Variants in EVI5 observed in about 807,000 individuals in gnomAD.
EVI5 encodes the protein ecotropic viral integration site 5 protein homolog.
In EVI5, 73 loss-of-function variants were observed where a neutral mutation model predicts 112.0. The observed-to-expected ratio is 0.65, with a 90% CI of 0.54 to 0.79. EVI5 has a LOEUF of 0.79. Among genes scored for constraint, EVI5 ranks in the 30% least tolerant of loss-of-function variants. The pLI is 0.00. For missense variants in EVI5, 900 were observed against 968.8 expected (o/e 0.93, Z 0.94); for synonymous variants, 305 against 319.9 (o/e 0.95, Z 0.50).
chr1:92,738,849 C>T (rs1477209283), intron 1 of EVI5, among the ~76,000 whole-genome samples: 1 of 152,122 alleles, frequency 6.6e-6, no homozygotes, highest in Non-Finnish European at 1.5e-5. Flanking sequence ...ACCCTGCCAC[C>T]TCTGAATCTC....
chr1:92,555,195 T>C lies in EVI5; in HGVS notation c.2166+8447A>G, dbSNP rs1667495017. ...ATCCTGAAACTTCTGCATGGTACTT[T>C]ACACTGCTCTAATTAGAGAAAGAAC... On this transcript the variant is annotated intron_variant, in intron 19 of 19. Transcript: ENST00000684568. 3.9e-5 allele frequency among the ~76,000 whole-genome samples: 6 copies of C among 152,318 alleles called. No homozygotes were observed. In the South Asian group the frequency reaches 1.0e-3, roughly 26 times the overall value.
chr1:92,744,412 T>C (rs1052071922), intron 1 of EVI5, among the ~76,000 whole-genome samples: 1 of 152,310 alleles, frequency 6.6e-6, no homozygotes, highest in Admixed American at 6.5e-5. Context: ...GGCATCCAAC[T>C]ATAATAGTGA....
At chr1:92,722,381 T>C (rs1674890334) in intron 2 of EVI5, among the ~76,000 whole-genome samples, 1 of 152,114 alleles carries the variant, frequency 6.6e-6, no homozygotes. Context: ...TTGTTATATA[T>C]GTATACATGA....
chr1:92,783,702 C>T (rs780938120), intron 1 of EVI5, among the ~76,000 whole-genome samples: 1 of 150,758 alleles, frequency 6.6e-6, no homozygotes, highest in Non-Finnish European at 1.5e-5. Flanking sequence ...GTCCCAGCTA[C>T]TCGCGGGGCT....
At position 92,693,901 on chromosome 1, in the gene EVI5, T is replaced by C; in HGVS notation, c.1000-2A>G. The C allele has an allele frequency of 1.3e-6, 2 of 1,519,880 alleles. No homozygotes were observed. 94.1% of individuals were successfully genotyped at this position (1,519,880 alleles called of 1,614,324 possible). ...ATGTGGAATGACCTTTTGAAAGTGC[T>C]AAGATACAATTAAAAAAAAAACATA... On this transcript the variant is annotated splice_acceptor_variant, in intron 8 of 19. Transcript: ENST00000684568. LOFTEE classifies it high-confidence loss of function.
chr1:92,611,798 A>G (rs995822974), intron 16 of EVI5, among the ~76,000 whole-genome samples: 1 of 151,772 alleles, frequency 6.6e-6, no homozygotes, highest in African/African-American at 2.4e-5. Context: ...AGTCCCAGCT[A>G]CTTGGGAGGC....
At chr1:92,776,061 T>C (rs1422959639) in intron 1 of EVI5, among the ~76,000 whole-genome samples, 2 of 150,606 alleles carry the variant, frequency 1.3e-5, no homozygotes, top group Non-Finnish European at 2.9e-5. Context: ...TGAGCCAAAA[T>C]TGCGCCACTG....
intron 19 of EVI5, among the ~76,000 whole-genome samples, chr1:92,555,062 T>C (rs919763977): frequency 6.6e-6 from 1 of 152,186 alleles, no homozygotes; most frequent in South Asian, 2.1e-4. Flanking sequence ...GTGTATGCAT[T>C]TGATGGGCTT....
intron 1 of EVI5, among the ~76,000 whole-genome samples, chr1:92,743,084 G>A (rs1298225678): frequency 6.6e-6 from 1 of 152,224 alleles, no homozygotes; most frequent in Non-Finnish European, 1.5e-5. Flanking sequence ...CAAGCGTGAT[G>A]GCTCACGCCT....
At chr1:92,749,379 A>T (rs1383455919) in intron 1 of EVI5, 2 of 175,568 alleles carry the variant, frequency 1.1e-5, no homozygotes, top group Non-Finnish European at 2.4e-5. Flanking sequence ...TACAATATGA[A>T]CATATAAGCC....
chr1:92,739,229 C>T (rs1032409898), intron 1 of EVI5, among the ~76,000 whole-genome samples: 4 of 146,418 alleles, frequency 2.7e-5, no homozygotes, highest in Non-Finnish European at 5.9e-5. Context: ...ACCAAGATCA[C>T]GCCACTGCTC....
chr1:92,663,457 A>G lies in EVI5; in HGVS notation c.1213-5T>C. 7.2e-7 allele frequency: 1 copy of G among 1,388,434 alleles called. No homozygotes were observed. The highest frequency in any genetic ancestry group is 9.7e-7 in the Non-Finnish European group (1 of 1,035,328). The allele number at this position is 1,388,434 out of a possible 1,614,324, so 86.0% of individuals were successfully genotyped here. A position where few individuals can be genotyped will look rare whatever the true frequency, so the allele number is the denominator to read the frequency against. On this transcript the variant is annotated splice_region_variant and splice_polypyrimidine_tract_variant and intron_variant, in intron 11 of 19. Transcript: ENST00000684568. ...ATCTGCCAAGGAAGCACTTTCCTAC[A>G]AAAGGAAAAATTCAGATAGAAATAT...
chr1:92,769,673 C>CAGG (rs1683110718), intron 1 of EVI5, among the ~76,000 whole-genome samples: 1 of 152,048 alleles, frequency 6.6e-6, no homozygotes, highest in Non-Finnish European at 1.5e-5. Flanking sequence ...ATCACAAGGT[C>CAGG]AGATCAAGAC....
intron 13 of EVI5, among the ~76,000 whole-genome samples, chr1:92,650,593 A>C (rs1234313727): frequency 1.3e-5 from 2 of 152,058 alleles, no homozygotes; most frequent in Non-Finnish European, 2.9e-5. Flanking sequence ...CAATCTTATA[A>C]TTGGTATATT....
chr1:92,715,545 C>T (rs887284617), intron 2 of EVI5, among the ~76,000 whole-genome samples: 1 of 152,182 alleles, frequency 6.6e-6, no homozygotes, highest in Non-Finnish European at 1.5e-5. Flanking sequence ...GCGTGATCGA[C>T]GCAGAAGACG....
At chr1:92,683,969 A>C (rs1298883263) in intron 9 of EVI5, among the ~76,000 whole-genome samples, 1 of 152,208 alleles carries the variant, frequency 6.6e-6, no homozygotes, top group African/African-American at 2.4e-5. Flanking sequence ...CCAAGTTAGA[A>C]AACACTCTTC....
intron 1 of EVI5, among the ~76,000 whole-genome samples, chr1:92,746,919 A>C (rs1570736634): frequency 6.6e-6 from 1 of 152,086 alleles, no homozygotes; most frequent in East Asian, 1.9e-4. Flanking sequence ...AGTTTTTTTA[A>C]AAAAGAAGTA....
chr1:92,665,861 T>G (rs1572185527), intron 11 of EVI5, 78 bp downstream of exon 11: 1 of 1,023,174 alleles, frequency 9.8e-7, no homozygotes, highest in African/African-American at 1.6e-5. Flanking sequence ...GTGCCAGAAT[T>G]TTTGAGGATT....
chr1:92,552,466 C>A (rs1667089847), intron 19 of EVI5, among the ~76,000 whole-genome samples: 2 of 152,166 alleles, frequency 1.3e-5, no homozygotes, highest in African/African-American at 4.8e-5. Flanking sequence ...CCACTTTTCC[C>A]CACCAAACTA....
Sources: gnomAD v4.1 joint callset for allele counts (sites outside exome capture counted in the v4.1 genomes callset) on GRCh38, gnomAD v4.1.1 for gene constraint, MANE v1.5 for transcripts, NCBI Gene and HGNC (gene_info 2026-07-23, HGNC 2026-07-21) for gene names.